DIP2C: variants seen among roughly 807,000 people sequenced by gnomAD.
The protein encoded by DIP2C is DIP2 acetate--CoA ligase C (putative).
Under a neutral mutation model 192.4 loss-of-function variants are expected in DIP2C, and 33 were observed. The ratio of observed to expected loss-of-function variants is 0.17; its 90% CI spans 0.13 to 0.23. The LOEUF is 0.23. DIP2C is among the 10% of genes least tolerant of loss of function. The probability of loss-of-function intolerance (pLI) is 1.00; values close to 1 mark genes in which losing one functional copy is unlikely to be tolerated. For synonymous variants in DIP2C, 979 were observed against 864.1 expected, an observed-to-expected ratio of 1.13 and a Z score of -2.33; for missense variants, 1,537 against 2,110.1, an observed-to-expected ratio of 0.73 and a Z score of 5.32.
At chr10:483,750 G>A (rs116396903) in intron 2 of DIP2C, among the ~76,000 whole-genome samples, 254 of 152,296 alleles carry the variant, frequency 1.7e-3, no homozygotes, top group Middle Eastern at 0.01. Context: ...GAGGCGAGGC[G>A]GGGTGTCCTC....
At chr10:487,349 G>T in intron 1 of DIP2C, among the ~76,000 whole-genome samples, 1 of 152,256 alleles carries the variant, frequency 6.6e-6, no homozygotes, top group Middle Eastern at 3.4e-3. Context: ...TATAGCAAAT[G>T]AATGAAAAGT....
chr10:280,275 G>T (rs186550776), intron 36 of DIP2C, among the ~76,000 whole-genome samples: 1 of 152,182 alleles, frequency 6.6e-6, no homozygotes, highest in Non-Finnish European at 1.5e-5. Flanking sequence ...GAGGAGGAAG[G>T]AACAATCTCA....
intron 5 of DIP2C, 89 bp from the exon 6 acceptor site, chr10:419,288 C>T: frequency 6.4e-7 from 1 of 1,571,872 alleles, no homozygotes; most frequent in East Asian, 2.2e-5. Flanking sequence ...GAGACTGAAG[C>T]ACAGGTGCTC....
intron 1 of DIP2C, among the ~76,000 whole-genome samples, chr10:564,422 G>A (rs1232619666): frequency 1.3e-5 from 2 of 152,112 alleles, no homozygotes; most frequent in Non-Finnish European, 2.9e-5. Flanking sequence ...ACTGCCTGAC[G>A]TCCAAAGCCT....
chr10:330,297 T>A (rs773951563), intron 29 of DIP2C, among the ~76,000 whole-genome samples: 2 of 152,180 alleles, frequency 1.3e-5, no homozygotes, highest in Admixed American at 1.3e-4. Flanking sequence ...TAACGATTCT[T>A]TAATTTTACC....
rs1244179131 is a variant in DIP2C, at chr10:417,778, CAG to C, written c.739+1285_739+1286del. ...GGCATCCCTGTCCACCTGCACCTGT[CAG>C]GGCTCGGATAGGCCTCCCTGTCCAC... On this transcript the variant is annotated intron_variant, in intron 6 of 36. Transcript: ENST00000280886. Among the ~76,000 whole-genome samples the C allele has an allele frequency of 1.6e-4, 19 of 120,038 alleles. 5 individuals carry two copies. The highest frequency in any genetic ancestry group is 4.0e-4 in the African/African-American group (11 of 27,362). 78.7% of individuals were successfully genotyped at this position (120,038 alleles called of 152,430 possible).
At chr10:407,730 A>G (rs1964905175) in intron 9 of DIP2C, among the ~76,000 whole-genome samples, 1 of 151,938 alleles carries the variant, frequency 6.6e-6, no homozygotes, top group Non-Finnish European at 1.5e-5. Flanking sequence ...ATCTTTGGAG[A>G]AACGTTTACT....
intron 1 of DIP2C, among the ~76,000 whole-genome samples, chr10:685,942 C>CA (rs1196076819): frequency 4.4e-5 from 2 of 45,190 alleles, no homozygotes; most frequent in East Asian, 1.1e-3. Context: ...GCATGGGAGA[C>CA]AGAGTGAGAC....
At chr10:393,317 C>T (rs1963646475) in intron 10 of DIP2C, among the ~76,000 whole-genome samples, 1 of 152,178 alleles carries the variant, frequency 6.6e-6, no homozygotes, top group Non-Finnish European at 1.5e-5. Context: ...CTCACTTTGA[C>T]TTGCACCATA....
At chr10:507,432 C>T (rs1203685014) in intron 1 of DIP2C, among the ~76,000 whole-genome samples, 1 of 151,356 alleles carries the variant, frequency 6.6e-6, no homozygotes, top group Non-Finnish European at 1.5e-5. Context: ...GGTTAGGGAC[C>T]TGGTCACCCG....
chr10:321,628 GCGGGGCTC>G (rs1564551654), intron 31 of DIP2C, among the ~76,000 whole-genome samples: 64 of 125,276 alleles, frequency 5.1e-4, no homozygotes, highest in Admixed American at 1.4e-3. Context: ...AGTCGGGGGT[GCGGGGCTC>G]CGGCGAGAGA....
chr10:289,675 G>A (rs1035203338), intron 32 of DIP2C, among the ~76,000 whole-genome samples: 2 of 152,182 alleles, frequency 1.3e-5, no homozygotes, highest in African/African-American at 4.8e-5. Flanking sequence ...GGTAGGGAAG[G>A]GGCAGGAGGT....
chr10:583,302 GA>G (rs1464060744), intron 1 of DIP2C, among the ~76,000 whole-genome samples: 2 of 152,242 alleles, frequency 1.3e-5, no homozygotes, highest in East Asian at 3.8e-4. Context: ...TCTCTTAGCA[GA>G]AAGAGAATTA....
At position 528,129 on chromosome 10, in the gene DIP2C, AG is replaced by A. The variant is rs765771888; in HGVS notation, c.86-41600del. Among the ~76,000 whole-genome samples, 70 of 152,252 alleles carry A rather than the reference AG, an allele frequency of 4.6e-4. 1 individual carries two copies. Among genetic ancestry groups the A allele is most frequent in the Non-Finnish European group, 8.4e-4 (57 of 68,014 alleles). ...CACCAGCCTGGAACATCCCCCCTGAAGGGTTTGCGAGAGAGAAAACCTCCTT... is the reference window on the plus strand; with the variant it reads ...CACCAGCCTGGAACATCCCCCCTGAAGGTTTGCGAGAGAGAAAACCTCCTT... On this transcript the variant is annotated intron_variant, in intron 1 of 36. Transcript: ENST00000280886.
chr10:566,668 T>A (rs1849484241), intron 1 of DIP2C, among the ~76,000 whole-genome samples: 1 of 152,258 alleles, frequency 6.6e-6, no homozygotes, highest in Non-Finnish European at 1.5e-5. Flanking sequence ...CCAAGATTTC[T>A]TGGGTCTCTC....
At chr10:533,076 A>AG (rs2130868729) in intron 1 of DIP2C, among the ~76,000 whole-genome samples, 1 of 152,294 alleles carries the variant, frequency 6.6e-6, no homozygotes, top group South Asian at 2.1e-4. Flanking sequence ...CCACTTACAT[A>AG]GATCCCAGCA....
intron 9 of DIP2C, among the ~76,000 whole-genome samples, chr10:405,276 G>A (rs1300743214): frequency 6.6e-6 from 1 of 152,180 alleles, no homozygotes; most frequent in Non-Finnish European, 1.5e-5. Flanking sequence ...CTGCTCAAAG[G>A]AAGTTCTTCT....
chr10:430,042 T>C (rs549945191), intron 4 of DIP2C, among the ~76,000 whole-genome samples: 12 of 152,188 alleles, frequency 7.9e-5, no homozygotes, highest in South Asian at 2.1e-4. Flanking sequence ...CACATCTTCA[T>C]AGGCTGTGGT....
chr10:548,911 C>CAAAAAAAAAAAAAAAAAAAAAAAA (rs61437915), intron 1 of DIP2C, among the ~76,000 whole-genome samples: 3 of 26,458 alleles, frequency 1.1e-4, no homozygotes, highest in African/African-American at 4.0e-4. Context: ...TAGCAGCTCA[C>CAAAAAAAAAAAAAAAAAAAAAAAA]AAAAAAAAAA....
Sources: allele counts gnomAD v4.1 joint callset (sites outside exome capture counted in the v4.1 genomes callset), GRCh38; gene constraint gnomAD v4.1.1; transcripts MANE v1.5; gene names NCBI Gene and HGNC (gene_info 2026-07-23, HGNC 2026-07-21).